The following CRYAB variants were observed in gnomAD, a reference collection of about 807,000 sequenced individuals.
CRYAB encodes crystallin alpha B, also known as alpha-crystallin B chain.
CRYAB carries 9 observed loss-of-function variants against 12.7 expected under a neutral mutation model. That is an observed-to-expected ratio of 0.71 (90% CI 0.43 to 1.24). The LOEUF (loss-of-function observed/expected upper bound fraction) is 1.24. Among genes scored for constraint, CRYAB ranks in the 50% most tolerant of loss-of-function variants. The pLI, the probability that CRYAB is intolerant of heterozygous loss-of-function variation, is 0.00. For synonymous variants in CRYAB, 93 were observed against 86.8 expected, an observed-to-expected ratio of 1.07 and a Z score of -0.40; for missense variants, 183 against 226.6, an observed-to-expected ratio of 0.81 and a Z score of 1.24.
At chr11:111,911,926 A>G (rs1965475459), upstream of CRYAB, 7 of 585,988 alleles carry the variant, frequency 1.2e-5, 1 homozygote, top group South Asian at 1.4e-4. Context: ...CACTGAGCTA[A>G]GAAAAGAGAG....
At chr11:111,913,912 A>G, upstream of CRYAB, 1 of 1,582,738 alleles carries the variant, frequency 6.3e-7, no homozygotes, top group Non-Finnish European at 8.6e-7. Flanking sequence ...CAGACCCAGC[A>G]CCCAGCAAAT....
At chr11:111,911,852 G>C, upstream of CRYAB, 1 of 679,552 alleles carries the variant, frequency 1.5e-6, no homozygotes, top group Admixed American at 2.4e-5. Context: ...TATTATCCTA[G>C]CTCACCAGCA....
chr11:111,912,291 C>G (rs1385384296), upstream of CRYAB: 1 of 187,820 alleles, frequency 5.3e-6, no homozygotes, highest in Non-Finnish European at 1.1e-5. Flanking sequence ...CCTGGGTTGA[C>G]CTGGGTTTAG....
rs763230814 is a variant in CRYAB, at chr11:111,918,387, G to A, written c.-199+5316C>T. ...GCCCTAGAAACTTAGGCCCTATAAAGGTTAAGTGATTTGCCCACATCGATT... is the reference window on the plus strand; with the variant it reads ...GCCCTAGAAACTTAGGCCCTATAAAAGTTAAGTGATTTGCCCACATCGATT... On this transcript the variant is annotated intron_variant, in intron 1 of 3. Coordinates refer to the CRYAB transcript ENST00000527950. Among the ~76,000 whole-genome samples the A allele has an allele frequency of 9.7e-4, 147 of 152,116 alleles. 1 individual carries two copies. Among genetic ancestry groups the A allele is most frequent in the Non-Finnish European group, 1.7e-3 (118 of 68,030 alleles).
At chr11:111,915,526 T>A (rs1483773362), upstream of CRYAB, among the ~76,000 whole-genome samples, 1 of 152,168 alleles carries the variant, frequency 6.6e-6, no homozygotes, top group Non-Finnish European at 1.5e-5. Context: ...AAGAAAAGGA[T>A]TCTACTTAGA....
chr11:111,921,252 G>C (rs1965693899), intron 1 of CRYAB, among the ~76,000 whole-genome samples: 1 of 152,202 alleles, frequency 6.6e-6, no homozygotes, highest in Admixed American at 6.5e-5. Context: ...ATTAAACAGT[G>C]TTTATTGAAC....
chr11:111,910,475 G>A, intron 1 of CRYAB, 26 bp from the exon 2 acceptor site: 2 of 1,614,032 alleles, frequency 1.2e-6, no homozygotes, highest in Non-Finnish European at 1.7e-6. Context: ...TAAGGGAATG[G>A]GATGGGAGAA....
At chr11:111,910,146 A>G (rs1206638107) in intron 2 of CRYAB, 181 bp downstream of exon 2, 4 of 773,222 alleles carry the variant, frequency 5.2e-6, no homozygotes, top group Non-Finnish European at 6.7e-6. Flanking sequence ...TGGCCATAAT[A>G]GTAACAACAG....
chr11:111,913,324 ACTC>A (rs781865268), upstream of CRYAB: 7 of 755,820 alleles, frequency 9.3e-6, no homozygotes, highest in East Asian at 1.2e-4. Context: ...CCCGTTCCCT[ACTC>A]CTCCTGACTC....
At chr11:111,920,867 A>G (rs1965685730) in intron 1 of CRYAB, among the ~76,000 whole-genome samples, 1 of 152,258 alleles carries the variant, frequency 6.6e-6, no homozygotes, top group Non-Finnish European at 1.5e-5. Flanking sequence ...ACCATAGGTA[A>G]TAAGTCCCTT....
At chr11:111,913,167 C>G (rs911206126), upstream of CRYAB, 2 of 605,224 alleles carry the variant, frequency 3.3e-6, no homozygotes, top group Non-Finnish European at 5.9e-6. Flanking sequence ...GGTGTGCCTC[C>G]TTGTCCCCCT....
upstream of CRYAB, among the ~76,000 whole-genome samples, chr11:111,915,287 CTCACTTGAGGAAT>C (rs1354036021): frequency 2.3e-4 from 35 of 152,154 alleles, no homozygotes; most frequent in Admixed American, 2.3e-3. Flanking sequence ...GATAACAGAA[CTCACTTGAGGAAT>C]TCGACTTTTG....
At chr11:111,912,935 A>G (rs782747754), upstream of CRYAB, 3 of 1,573,580 alleles carry the variant, frequency 1.9e-6, no homozygotes, top group Non-Finnish European at 2.6e-6. Flanking sequence ...TATGGCACAG[A>G]CACCACCCCC....
At chr11:111,920,622 G>C (rs587629859) in intron 1 of CRYAB, among the ~76,000 whole-genome samples, 1 of 152,074 alleles carries the variant, frequency 6.6e-6, no homozygotes, top group Non-Finnish European at 1.5e-5. Context: ...AAATTAGCTA[G>C]GCGTGGTGGT....
At chr11:111,914,151 G>A, upstream of CRYAB, 1 of 454,062 alleles carries the variant, frequency 2.2e-6, no homozygotes, top group Non-Finnish European at 3.9e-6. Flanking sequence ...AGGGAGGGAG[G>A]AGGTCACAGC....
intron 2 of CRYAB, chr11:111,909,654 A>T (rs1175359923): frequency 5.0e-6 from 1 of 201,420 alleles, no homozygotes; most frequent in African/African-American, 2.4e-5. Context: ...GGCTCTCGTT[A>T]ACTGATTACC....
upstream of CRYAB, chr11:111,918,208 A>AGGAGACGCAGAGTTGAGGGGTAAGT (rs1965626902): frequency 6.5e-6 from 1 of 152,958 alleles, no homozygotes; most frequent in Admixed American, 6.5e-5. Context: ...GGTTACTGGA[A>AGGAGACGCAGAGTTGAGGGGTAAGT]GGAGACGCAG....
At chr11:111,913,505 C>A (rs4252588), upstream of CRYAB, 2 of 1,613,846 alleles carry the variant, frequency 1.2e-6, no homozygotes, top group Non-Finnish European at 1.7e-6. Flanking sequence ...GGCCTCGGGC[C>A]GCCCCAGCTG....
chr11:111,910,238 T>C (rs1965409925), intron 2 of CRYAB, 89 bp downstream of exon 2: 1 of 1,533,714 alleles, frequency 6.5e-7, no homozygotes, highest in East Asian at 2.3e-5. Context: ...GACTGGAATG[T>C]AGCCAGCCTC....
Sources: allele counts gnomAD v4.1 joint callset (sites outside exome capture counted in the v4.1 genomes callset), GRCh38; gene constraint gnomAD v4.1.1; transcripts MANE v1.5; gene names NCBI Gene and HGNC (gene_info 2026-07-23, HGNC 2026-07-21).